The following CMSS1 variants were observed in gnomAD, a reference collection of about 807,000 sequenced individuals.
CMSS1 encodes the protein protein CMSS1.
Under a neutral mutation model 43.5 loss-of-function variants are expected in CMSS1, and 33 were observed. The ratio of observed to expected loss-of-function variants is 0.76; its 90% confidence interval spans 0.57 to 1.01. The LOEUF is 1.01. Ranked by LOEUF, CMSS1 falls within the 50% of genes least tolerant of loss-of-function variation. The probability of loss-of-function intolerance (pLI) is 0.00; values close to 1 mark genes in which losing one functional copy is unlikely to be tolerated. For synonymous variants in CMSS1, 115 were observed against 117.2 expected (o/e 0.98, Z 0.12); for missense variants, 313 against 326.4 (o/e 0.96, Z 0.32).
chr3:99,927,786 T>C (rs1038392820), intron 1 of CMSS1, among the ~76,000 whole-genome samples: 9 of 152,164 alleles, frequency 5.9e-5, no homozygotes, highest in Admixed American at 3.9e-4. Flanking sequence ...AGGTCAAAAC[T>C]CTTGTGGACT....
chr3:99,986,459 A>G (rs552373105), intron 1 of CMSS1, among the ~76,000 whole-genome samples: 3 of 152,234 alleles, frequency 2.0e-5, no homozygotes, highest in Non-Finnish European at 2.9e-5. Context: ...TTTTAGACAT[A>G]CTAGTGACGG....
At chr3:99,854,262 T>C (rs1943847024) in intron 1 of CMSS1, among the ~76,000 whole-genome samples, 1 of 152,116 alleles carries the variant, frequency 6.6e-6, no homozygotes, top group Admixed American at 6.5e-5. Context: ...ATTTTCTGTC[T>C]CCATTATTTT....
chr3:99,957,287 A>G (rs1559703069), intron 1 of CMSS1, among the ~76,000 whole-genome samples: 1 of 152,238 alleles, frequency 6.6e-6, no homozygotes, highest in African/African-American at 2.4e-5. Flanking sequence ...CATAGCAGCT[A>G]TTCTTAAGAA....
intron 1 of CMSS1, among the ~76,000 whole-genome samples, chr3:99,928,624 A>G (rs923527696): frequency 2.6e-5 from 4 of 152,198 alleles, no homozygotes; most frequent in Non-Finnish European, 4.4e-5. Context: ...CGATTTCAAC[A>G]TAAGTTTGGA....
intron 9 of CMSS1, among the ~76,000 whole-genome samples, chr3:100,177,106 C>G (rs1282075669): frequency 6.6e-6 from 1 of 152,156 alleles, no homozygotes; most frequent in East Asian, 1.9e-4. Context: ...TAACCAAGAA[C>G]AAATCATGGC....
chr3:99,899,693 T>G (rs1706373490), intron 1 of CMSS1, among the ~76,000 whole-genome samples: 1 of 152,190 alleles, frequency 6.6e-6, no homozygotes, highest in Non-Finnish European at 1.5e-5. Context: ...CCCACCTCCT[T>G]GATTGTGATT....
At chr3:100,094,555 C>T (rs1393589418) in intron 1 of CMSS1, among the ~76,000 whole-genome samples, 2 of 150,736 alleles carry the variant, frequency 1.3e-5, no homozygotes, top group African/African-American at 2.4e-5. Context: ...TTATGTTTTA[C>T]ATTTAGCTTC....
chr3:100,147,766 T>A (rs575647556), intron 2 of CMSS1, among the ~76,000 whole-genome samples: 9 of 152,328 alleles, frequency 5.9e-5, no homozygotes, highest in African/African-American at 2.2e-4. Context: ...AGCAGGCTCC[T>A]GGGACCTTAT....
rs143453500 is a variant in CMSS1 at position 99,825,364 on chromosome 3, CAG to C, written c.64+7322_64+7323del. 8.4e-3 allele frequency among the ~76,000 whole-genome samples: 1,282 copies of C among 152,136 alleles called. 11 individuals carry two copies. The highest frequency in any genetic ancestry group is 0.013 in the Non-Finnish European group (877 of 68,012). On this transcript the variant is annotated intron_variant, in intron 1 of 9. Coordinates refer to ENST00000421999, the MANE Select transcript of CMSS1 (RefSeq NM_032359.4). ...TTGACAGATATTCAGGGGCAAAACA[CAG>C]GGGCAGGATGAATTTAAAAAGCAAG...
At chr3:99,920,966 A>G (rs1282331451) in intron 1 of CMSS1, among the ~76,000 whole-genome samples, 1 of 152,192 alleles carries the variant, frequency 6.6e-6, no homozygotes, top group South Asian at 2.1e-4. Context: ...CAGAGTTTCA[A>G]CCAGATACCC....
chr3:99,860,028 C>CT (rs1175079700), intron 1 of CMSS1, among the ~76,000 whole-genome samples: 2 of 152,128 alleles, frequency 1.3e-5, no homozygotes, highest in Admixed American at 6.6e-5. Flanking sequence ...AACAGTAACA[C>CT]TTTTTTTGGC....
At chr3:99,821,805 G>T (rs189323295) in intron 1 of CMSS1, among the ~76,000 whole-genome samples, 1 of 152,142 alleles carries the variant, frequency 6.6e-6, no homozygotes, top group East Asian at 1.9e-4. Context: ...CAGCACTTTG[G>T]GAGGCCAAGG....
chr3:99,850,252 A>G lies in CMSS1; in HGVS notation c.64+32209A>G, dbSNP rs774450740. ...TTCTGTCTTTTCTAGCCGACTTTCAATGGCTTCTAGCTCTTTGATCCTTAC... is the reference window on the plus strand; with the variant it reads ...TTCTGTCTTTTCTAGCCGACTTTCAGTGGCTTCTAGCTCTTTGATCCTTAC... On this transcript the variant is annotated intron_variant, in intron 1 of 9. Coordinates refer to ENST00000421999, the MANE Select transcript of CMSS1 (RefSeq NM_032359.4). 4.3e-6 allele frequency: 7 copies of G among 1,613,736 alleles called. No individual in the cohort carries two copies. The East Asian group carries it at 1.1e-4, about 26-fold the overall frequency.
chr3:100,098,127 T>C (rs2066243098), intron 1 of CMSS1, among the ~76,000 whole-genome samples: 1 of 152,190 alleles, frequency 6.6e-6, no homozygotes. Flanking sequence ...GCCAACCCAC[T>C]GGAGTCTGTA....
In CMSS1 at chr3:100,063,295, C is replaced by T. The variant is rs550539353; in HGVS notation, c.65-83678C>T. ...CCTCAGTTTAGAAATAAAATTTTAA[C>T]AGAAAATTTAAAAATTGGTTCCACA... On this transcript the variant is annotated intron_variant, in intron 1 of 9. Coordinates refer to ENST00000421999, the MANE Select transcript of CMSS1 (RefSeq NM_032359.4). 3.3e-5 allele frequency among the ~76,000 whole-genome samples: 5 copies of T among 152,180 alleles called. No individual in the cohort carries two copies. In the South Asian group the frequency reaches 1.0e-3, roughly 32 times the overall value.
chr3:99,817,899 C>A lies in CMSS1; in HGVS notation c.-81C>A, dbSNP rs555278074. On this transcript the variant is annotated 5_prime_UTR_variant, in exon 1 of 10. Coordinates refer to ENST00000421999, the MANE Select transcript of CMSS1 (RefSeq NM_032359.4). The stretch of plus-strand genomic sequence containing the variant: ...GAGCTCCGCGTGTAGCTACGCCGGC[C>A]GCCTGGCTTTGAGACAACGTGATTC... 8.1e-6 allele frequency: 12 copies of A among 1,473,600 alleles called. No individual in the cohort carries two copies. Among genetic ancestry groups the A allele is most frequent in the Middle Eastern group, 1.7e-4 (1 of 5,790 alleles). 91.3% of individuals were successfully genotyped at this position (1,473,600 alleles called of 1,614,324 possible).
intron 1 of CMSS1, among the ~76,000 whole-genome samples, chr3:99,968,791 C>T (rs1708728912): frequency 6.6e-6 from 1 of 152,078 alleles, no homozygotes; most frequent in African/African-American, 2.4e-5. Context: ...GGTGTCTCAT[C>T]AGAGAAGTTT....
chr3:99,988,341 C>A (rs1351120987), intron 1 of CMSS1, among the ~76,000 whole-genome samples: 7,406 of 62,018 alleles, frequency 0.12, 1,030 homozygotes, highest in African/African-American at 0.28. Context: ...ACTAAAAATC[C>A]AAAAAAAAAA....
At chr3:100,048,447 G>A (rs577797587) in intron 1 of CMSS1, among the ~76,000 whole-genome samples, 2 of 152,284 alleles carry the variant, frequency 1.3e-5, no homozygotes, top group East Asian at 3.9e-4. Context: ...CTTCCCTGCA[G>A]CTGTGGCTAA....
Sources: gnomAD v4.1 joint callset for allele counts (sites outside exome capture counted in the v4.1 genomes callset) on GRCh38, gnomAD v4.1.1 for gene constraint, MANE v1.5 for transcripts, NCBI Gene and HGNC (gene_info 2026-07-23, HGNC 2026-07-21) for gene names.